CSMD1: variants seen among roughly 807,000 people sequenced by gnomAD.
CSMD1 encodes the protein CUB and Sushi multiple domains 1.
Under a neutral mutation model 417.5 loss-of-function variants are expected in CSMD1, and 213 were observed. The ratio of observed to expected loss-of-function variants is 0.51; its 90% CI spans 0.46 to 0.57. The LOEUF is 0.57. Among genes scored for constraint, CSMD1 ranks in the 20% least tolerant of loss-of-function variants. The pLI is 0.00. For missense variants in CSMD1, 6,923 were observed against 4,529.7 expected, an observed-to-expected ratio of 1.53 and a Z score of -15.17; for synonymous variants, 2,862 against 1,736.8, an observed-to-expected ratio of 1.65 and a Z score of -16.11.
At chr8:4,452,541 A>G in intron 2 of CSMD1, among the ~76,000 whole-genome samples, 1 of 152,230 alleles carries the variant, frequency 6.6e-6, no homozygotes. Context: ...TTATAAAAAT[A>G]ATTCACTTTT....
chr8:3,731,599 C>G (rs1266916970), intron 6 of CSMD1, among the ~76,000 whole-genome samples: 3 of 152,062 alleles, frequency 2.0e-5, no homozygotes, highest in South Asian at 2.1e-4. Flanking sequence ...GTGATATGAA[C>G]TTTACCAACC....
intron 3 of CSMD1, among the ~76,000 whole-genome samples, chr8:4,251,017 C>T (rs1002490495): frequency 2.0e-5 from 3 of 152,132 alleles, no homozygotes; most frequent in African/African-American, 7.2e-5. Context: ...TAATGACAAG[C>T]ATATTTTTAG....
chr8:4,907,719 C>A (rs969112199), intron 1 of CSMD1, among the ~76,000 whole-genome samples: 8 of 108,600 alleles, frequency 7.4e-5, no homozygotes, highest in Non-Finnish European at 1.4e-4. Flanking sequence ...CCACTATCCC[C>A]GGCAATTTTT....
intron 2 of CSMD1, among the ~76,000 whole-genome samples, chr8:4,540,070 A>G (rs562919247): frequency 2.0e-4 from 31 of 152,130 alleles, no homozygotes; most frequent in Non-Finnish European, 4.0e-4. Flanking sequence ...TTTCTGTCAT[A>G]TTATTTTCAA....
intron 3 of CSMD1, among the ~76,000 whole-genome samples, chr8:4,127,542 C>G (rs11781286): frequency 6.6e-6 from 1 of 150,794 alleles, no homozygotes; most frequent in Non-Finnish European, 1.5e-5. Flanking sequence ...CTTTGGTTTT[C>G]CTAGTCAGTT....
chr8:3,336,381 A>T (rs571294288), intron 23 of CSMD1, among the ~76,000 whole-genome samples: 7 of 152,052 alleles, frequency 4.6e-5, no homozygotes, highest in Non-Finnish European at 1.0e-4. Flanking sequence ...CTTTTTCATG[A>T]CCCCTGTTAT....
At chr8:3,705,788 G>A (rs1034291531) in intron 7 of CSMD1, among the ~76,000 whole-genome samples, 1 of 152,152 alleles carries the variant, frequency 6.6e-6, no homozygotes, top group Admixed American at 6.5e-5. Flanking sequence ...TGGTCTCCCA[G>A]AGGAACCCAG....
chr8:3,169,306 G>A (rs1386512041), intron 37 of CSMD1, among the ~76,000 whole-genome samples: 1 of 152,068 alleles, frequency 6.6e-6, no homozygotes, highest in Non-Finnish European at 1.5e-5. Context: ...GGAGACCACA[G>A]TCACAGGTAA....
chr8:4,741,186 A>G, intron 1 of CSMD1, among the ~76,000 whole-genome samples: 1 of 152,174 alleles, frequency 6.6e-6, no homozygotes, highest in African/African-American at 2.4e-5. Flanking sequence ...TAAGTGTCAG[A>G]GGCATTTCAA....
chr8:4,036,627 T>C (rs1275691498), intron 3 of CSMD1, among the ~76,000 whole-genome samples: 2 of 152,246 alleles, frequency 1.3e-5, no homozygotes, highest in Non-Finnish European at 2.9e-5. Context: ...AAGCAGCGGA[T>C]GTCAAAGAAA....
chr8:3,303,828 GTGATT>G (rs1303131707), intron 25 of CSMD1, among the ~76,000 whole-genome samples: 1 of 152,160 alleles, frequency 6.6e-6, no homozygotes, highest in African/African-American at 2.4e-5. Flanking sequence ...ACAATGTCTT[GTGATT>G]AGACTTTTAA....
intron 1 of CSMD1, among the ~76,000 whole-genome samples, chr8:4,901,847 C>T (rs987243258): frequency 1.1e-4 from 16 of 150,554 alleles, no homozygotes; most frequent in Non-Finnish European, 4.4e-5. Flanking sequence ...TGAGTAGCAT[C>T]ATGATGATGA....
chr8:3,625,570 C>T (rs981470716), intron 7 of CSMD1, among the ~76,000 whole-genome samples: 1 of 152,138 alleles, frequency 6.6e-6, no homozygotes, highest in Non-Finnish European at 1.5e-5. Context: ...AAATCAAGCT[C>T]TCTTTTAGTT....
At chr8:3,552,606 AAG>A (rs1414950562) in intron 10 of CSMD1, among the ~76,000 whole-genome samples, 1 of 152,210 alleles carries the variant, frequency 6.6e-6, no homozygotes, top group Non-Finnish European at 1.5e-5. Context: ...TTAAGGAATT[AAG>A]AGGACTCAAG....
At chr8:4,175,158 T>C (rs927262026) in intron 3 of CSMD1, among the ~76,000 whole-genome samples, 1 of 152,054 alleles carries the variant, frequency 6.6e-6, no homozygotes, top group African/African-American at 2.4e-5. Context: ...TCAAGAAAGA[T>C]CATTGTTGAA....
chr8:4,240,523 C>T (rs890963845), intron 3 of CSMD1, among the ~76,000 whole-genome samples: 3 of 152,144 alleles, frequency 2.0e-5, no homozygotes, highest in African/African-American at 7.2e-5. Flanking sequence ...TGGAAACTAA[C>T]CTGATTGTGT....
intron 5 of CSMD1, among the ~76,000 whole-genome samples, chr8:3,830,811 ATAAT>A (rs1342961450): frequency 6.6e-6 from 1 of 152,226 alleles, no homozygotes; most frequent in Non-Finnish European, 1.5e-5. Flanking sequence ...CTGAAATAAA[ATAAT>A]TAGGAGTTAT....
In CSMD1 at chr8:2,977,797, T is replaced by C. The variant is rs139012910; in HGVS notation, c.8566+815A>G. 2.5e-3 allele frequency among the ~76,000 whole-genome samples: 382 copies of C among 152,274 alleles called. 2 individuals carry two copies. The highest frequency in any genetic ancestry group is 4.3e-3 in the Non-Finnish European group (292 of 68,022). On this transcript the variant is annotated intron_variant, in intron 55 of 69. Transcript: ENST00000635120. Reference sequence around the variant, plus strand: ...AACAGACACTTCTCAAAAGAAGACATTTATGTGGCCAATAAACATATGAAA... The same window carrying C: ...AACAGACACTTCTCAAAAGAAGACACTTATGTGGCCAATAAACATATGAAA...
chr8:3,373,810 C>T (rs1810129982), intron 18 of CSMD1: 1 of 151,996 alleles, frequency 6.6e-6, no homozygotes. Context: ...TTTATGTAAC[C>T]CAGCCAACAC....
Sources: gnomAD v4.1 joint callset for allele counts (sites outside exome capture counted in the v4.1 genomes callset) on GRCh38, gnomAD v4.1.1 for gene constraint, MANE v1.5 for transcripts, NCBI Gene and HGNC (gene_info 2026-07-23, HGNC 2026-07-21) for gene names.